The following GARRE1 variants were observed in gnomAD, a reference collection of about 807,000 sequenced individuals.
The protein encoded by GARRE1 is granule associated Rac and RHOG effector protein 1.
GARRE1 carries 49 observed loss-of-function variants against 103.2 expected under a neutral mutation model. The ratio of observed to expected loss-of-function variants is 0.47; its 90% CI spans 0.38 to 0.60. The LOEUF is 0.60. GARRE1 is among the 20% of genes least tolerant of loss of function. GARRE1 has a pLI of 0.00. For missense variants in GARRE1, 1,199 were observed against 1,370.5 expected (o/e 0.87, Z 1.98); for synonymous variants, 505 against 532.8 (o/e 0.95, Z 0.72).
intron 1 of GARRE1, among the ~76,000 whole-genome samples, chr19:34,293,207 A>G (rs556775310): frequency 1.2e-4 from 19 of 152,334 alleles, no homozygotes; most frequent in Admixed American, 3.3e-4. Flanking sequence ...GCGTATTTAT[A>G]AAAATTTGCA....
Position 34,320,585 on chromosome 19 carries a change from G to A in GARRE1, c.705+469G>A, listed in dbSNP as rs80055428. 5.4e-4 allele frequency among the ~76,000 whole-genome samples: 82 copies of A among 152,328 alleles called. No individual in the cohort carries two copies. In the East Asian group the frequency reaches 0.015, roughly 27 times the overall value. On this transcript the variant is annotated intron_variant, in intron 3 of 13. Transcript: ENST00000299505. ...GTTTGGCAGACGGATGGGATGACAG[G>A]CTCCAAAGATACAACCACAGCAGGG...
chr19:34,351,493 C>T, intron 12 of GARRE1, 21 bp from the exon 13 acceptor site: 1 of 1,605,990 alleles, frequency 6.2e-7, no homozygotes, highest in Admixed American at 1.7e-5. Context: ...AATCACTGCC[C>T]TGAGCTCTTG....
At position 34,290,874 on chromosome 19, in the gene GARRE1, C is replaced by CTTTTTTTTTTT. The variant is rs71165641; in HGVS notation, c.-795-8765_-795-8755dup. On this transcript the variant is annotated intron_variant, in intron 1 of 13. Transcript: ENST00000299505. ...TATAGTTTCTACTGAAAGCATATTG[C>CTTTTTTTTTTT]TTTTTTTTTTTTTTTTTTTTTTTTT... is the stretch of plus-strand genomic sequence containing the variant. Among the ~76,000 whole-genome samples, 3 of 63,214 alleles carry CTTTTTTTTTTT rather than the reference C, an allele frequency of 4.7e-5. 1 individual carries two copies. Among genetic ancestry groups the CTTTTTTTTTTT allele is most frequent in the East Asian group, 1.3e-3 (2 of 1,504 alleles). The allele number at this position is 63,214 out of a possible 152,430, so 41.5% of individuals were successfully genotyped here.
intron 1 of GARRE1, among the ~76,000 whole-genome samples, chr19:34,273,001 C>T (rs1263600900): frequency 6.6e-6 from 1 of 152,254 alleles, no homozygotes; most frequent in Non-Finnish European, 1.5e-5. Context: ...GTCAGGAGTT[C>T]GAGACCAGTC....
At position 34,300,562 on chromosome 19, in the gene GARRE1, A is replaced by G; in HGVS notation, c.89A>G (p.Gln30Arg). 1 of 1,613,664 alleles carries G rather than the reference A, an allele frequency of 6.2e-7. No individual in the cohort carries two copies. The highest frequency in any genetic ancestry group is 2.2e-5 in the East Asian group (1 of 44,878). The change falls in exon 2 of 14, where the codon CAG (glutamine) becomes CGG (arginine). Residue 30 changes from glutamine to arginine, a missense_variant. Coordinates refer to ENST00000299505, the MANE Select transcript of GARRE1 (RefSeq NM_014686.5). ...TCCAAGCAGAAGGTGCAGCAGCACC[A>G]GCAATACCCGATGCCTGAGCTGGGC... ...GGSKQKVQQH[Q>R]QYPMPELGRA...
chr19:34,348,085 G>C, intron 11 of GARRE1, 43 bp downstream of exon 11: 4 of 1,382,858 alleles, frequency 2.9e-6, no homozygotes, highest in Non-Finnish European at 2.8e-6. Context: ...TGAGACCCAG[G>C]TGTCCCCCGA....
In GARRE1 at chr19:34,353,963, A is replaced by G. The variant is rs577017704; in HGVS notation, c.*1008A>G. On this transcript the variant is annotated 3_prime_UTR_variant, in exon 14 of 14. Transcript: ENST00000299505. Reference sequence around the variant, plus strand: ...ACCTCATTTTCAGTTAACATGTGCCATTAAATAGATAACATCCTGTGGATT... The same window carrying G: ...ACCTCATTTTCAGTTAACATGTGCCGTTAAATAGATAACATCCTGTGGATT... The G allele has an allele frequency of 6.5e-6, 1 of 152,750 alleles. No homozygotes were observed. Among genetic ancestry groups the G allele is most frequent in the South Asian group, 2.1e-4 (1 of 4,828 alleles). The allele number at this position is 152,750 out of a possible 1,614,324, so 9.5% of individuals were successfully genotyped here.
intron 6 of GARRE1, 80 bp downstream of exon 6, chr19:34,328,231 G>T: frequency 6.7e-7 from 1 of 1,494,468 alleles, no homozygotes; most frequent in Non-Finnish European, 9.0e-7. Flanking sequence ...GCTTGCGAAG[G>T]ATGTAGATTA....
At chr19:34,289,686 T>C (rs2073906322) in intron 1 of GARRE1, among the ~76,000 whole-genome samples, 1 of 151,336 alleles carries the variant, frequency 6.6e-6, no homozygotes, top group Non-Finnish European at 1.5e-5. Flanking sequence ...ATCATGCCAC[T>C]GCACTCCAGC....
At position 34,262,287 on chromosome 19, in the gene GARRE1, C is replaced by CTTTT. The variant is rs1018456778; in HGVS notation, c.-796+7698_-796+7701dup. 5.2e-3 allele frequency among the ~76,000 whole-genome samples: 187 copies of CTTTT among 35,762 alleles called. 60 individuals are homozygous for CTTTT. Among genetic ancestry groups the CTTTT allele is most frequent in the African/African-American group, 0.019 (180 of 9,518 alleles). The allele number at this position is 35,762 out of a possible 152,430, so 23.5% of individuals were successfully genotyped here. A position where few individuals can be genotyped will look rare whatever the true frequency, so the allele number is the denominator to read the frequency against. On this transcript the variant is annotated intron_variant, in intron 1 of 13. Transcript: ENST00000299505. ...AGTGAGCCACCATGCCCAGCTGCTG[C>CTTTT]TTTTTTTTTTTTTTTTTTTTTTTTT...
rs2074185427 is a variant in GARRE1 at position 34,341,522 on chromosome 19, G to T, written c.1588G>T (p.Gly530Cys). ...LPSGNGNKSS[G>C]GLQKTFSKLT... is the part of the protein sequence containing the mutation. ...TTCTGGAAATGGAAACAAATCTTCAGGTGGCCTGCAGAAGACATTCTCCAA... is the reference window on the plus strand; with the variant it reads ...TTCTGGAAATGGAAACAAATCTTCATGTGGCCTGCAGAAGACATTCTCCAA... Residue 530 changes from glycine to cysteine, a missense_variant, in exon 10 of 14, where the codon GGT becomes TGT. Coordinates refer to ENST00000299505, the MANE Select transcript of GARRE1 (RefSeq NM_014686.5). 1 of 1,614,032 alleles carries T rather than the reference G, an allele frequency of 6.2e-7. No homozygotes were observed.
Position 34,349,029 on chromosome 19 carries a change from G to A in GARRE1, c.2701G>A (p.Gly901Ser), listed in dbSNP as rs756814759. Residue 901 changes from glycine (G) to serine (S), a missense_variant, in exon 12 of 14, where the codon GGT (glycine) becomes AGT (serine). Coordinates refer to ENST00000299505, the MANE Select transcript of GARRE1 (RefSeq NM_014686.5). ...TCTGGCTTTCAGGGATGGCCTGCAC[G>A]GTGGCTGGTCGGGTGCTCAGGGAGA... is the stretch of plus-strand genomic sequence containing the variant. ...EFFTEGDGLH[G>S]GWSGAQGDSA... The A allele has an allele frequency of 4.6e-5, 74 of 1,611,340 alleles. No individual in the cohort carries two copies. The highest frequency in any genetic ancestry group is 9.9e-5 in the South Asian group (9 of 91,074).
At chr19:34,293,188 T>C (rs191731519) in intron 1 of GARRE1, among the ~76,000 whole-genome samples, 1 of 152,328 alleles carries the variant, frequency 6.6e-6, no homozygotes, top group East Asian at 1.9e-4. Context: ...ACAGTTGTAG[T>C]GTGTATTGGC....
At chr19:34,328,269 C>T in intron 6 of GARRE1, 118 bp downstream of exon 6, 5 of 1,133,530 alleles carry the variant, frequency 4.4e-6, no homozygotes, top group Non-Finnish European at 6.2e-6. Flanking sequence ...GGCGTGGTGG[C>T]TCACGCCTGT....
chr19:34,319,853 C>T (rs878907943), intron 2 of GARRE1, 54 bp from the exon 3 acceptor site: 11 of 1,515,592 alleles, frequency 7.3e-6, no homozygotes, highest in East Asian at 6.8e-5. Flanking sequence ...ATTTACTGCG[C>T]GAATCCAACA....
rs1380940784 is a variant in GARRE1, at chr19:34,328,024, G to T, written c.977G>T (p.Gly326Val). ...CCSEAEAQQT[G>V]RRQTPPQPMQ... ...AGCGAGGCGGAAGCCCAGCAGACGG[G>T]GCGGAGGCAGACACCCCCGCAGCCC... The change falls in exon 6 of 14, where the codon GGG becomes GTG. Residue 326 changes from glycine (G) to valine (V), a missense_variant. Physicochemically the swap from Gly to Val is moderately radical, Grantham distance 109. Coordinates refer to ENST00000299505, the MANE Select transcript of GARRE1 (RefSeq NM_014686.5). The T allele has an allele frequency of 6.2e-7, 1 of 1,614,108 alleles. No homozygotes were observed. The highest frequency in any genetic ancestry group is 1.1e-5 in the South Asian group (1 of 91,088).
intron 1 of GARRE1, among the ~76,000 whole-genome samples, chr19:34,266,229 C>T (rs887931701): frequency 1.3e-5 from 2 of 152,208 alleles, no homozygotes; most frequent in Non-Finnish European, 2.9e-5. Flanking sequence ...TGAACCACTG[C>T]GGGCCTGCTC....
intron 11 of GARRE1, chr19:34,348,273 T>A: frequency 2.7e-6 from 1 of 370,590 alleles, no homozygotes; most frequent in African/African-American, 2.1e-5. Flanking sequence ...TGGTATACAT[T>A]CATGATTTTC....
intron 6 of GARRE1, among the ~76,000 whole-genome samples, chr19:34,328,557 A>G (rs1057177423): frequency 6.6e-6 from 1 of 151,358 alleles, no homozygotes; most frequent in Admixed American, 6.6e-5. Flanking sequence ...TAAAAAGCAG[A>G]CCTACGGAGA....
Sources: gnomAD v4.1 joint callset for allele counts (sites outside exome capture counted in the v4.1 genomes callset) on GRCh38, gnomAD v4.1.1 for gene constraint, MANE v1.5 for transcripts, NCBI Gene and HGNC (gene_info 2026-07-23, HGNC 2026-07-21) for gene names.